Variants in ITGAM observed in about 807,000 individuals in gnomAD.
The protein encoded by ITGAM is integrin alpha-M.
ITGAM carries 79 observed loss-of-function variants against 137.5 expected under a neutral mutation model. The observed-to-expected ratio is 0.57, with a 90% CI of 0.48 to 0.69. The LOEUF (loss-of-function observed/expected upper bound fraction) is 0.69. Among genes scored for constraint, ITGAM ranks in the 30% least tolerant of loss-of-function variants. The pLI is 0.00. For synonymous variants in ITGAM, 583 were observed against 592.3 expected, an observed-to-expected ratio of 0.98 and a Z score of 0.23; for missense variants, 1,343 against 1,483.5, an observed-to-expected ratio of 0.91 and a Z score of 1.56.
At chr16:31,263,132 G>A (rs2079724188) in intron 2 of ITGAM, among the ~76,000 whole-genome samples, 1 of 151,984 alleles carries the variant, frequency 6.6e-6, no homozygotes, top group Admixed American at 6.6e-5. Context: ...GTAGAGACAG[G>A]GTTTCACCAT....
intron 14 of ITGAM, among the ~76,000 whole-genome samples, chr16:31,299,749 T>TCTC (rs1597011009): frequency 6.8e-6 from 1 of 147,868 alleles, no homozygotes; most frequent in African/African-American, 2.5e-5. Flanking sequence ...TTCTTTTTCT[T>TCTC]CTCCTCCTCC....
At chr16:31,321,435 T>C in intron 15 of ITGAM, 29 bp from the exon 16 acceptor site, 1 of 1,613,778 alleles carries the variant, frequency 6.2e-7, no homozygotes, top group South Asian at 1.1e-5. Flanking sequence ...TGTTTGAAGG[T>C]CCCTGATGGT....
chr16:31,277,249 T>C (rs1047403200), intron 11 of ITGAM, among the ~76,000 whole-genome samples, 200 bp downstream of exon 11: 8 of 152,004 alleles, frequency 5.3e-5, no homozygotes, highest in Admixed American at 5.3e-4. Flanking sequence ...CGGGCTGTAG[T>C]GCAATGGCAC....
rs1293905522 is a variant in ITGAM at position 31,331,290 on chromosome 16, T to TCC, written c.3387+19_3387+20dup. On this transcript the variant is annotated intron_variant, in intron 29 of 29. Coordinates refer to ENST00000544665, the MANE Select transcript of ITGAM (RefSeq NM_000632.4). ...CGCTGTACAAGGTGCTCCCCGCTGC[T>TCC]CCCCCACCCCCTCCCTTCATCCTCT... The TCC allele has an allele frequency of 2.9e-6, 4 of 1,379,690 alleles. No homozygotes were observed. Among genetic ancestry groups the TCC allele is most frequent in the Admixed American group, 3.4e-5 (2 of 59,046 alleles). The allele number at this position is 1,379,690 out of a possible 1,614,324, so 85.5% of individuals were successfully genotyped here. A position where few individuals can be genotyped will look rare whatever the true frequency, so the allele number is the denominator to read the frequency against.
chr16:31,278,153 C>G (rs1407138856), intron 12 of ITGAM, 44 bp downstream of exon 12: 1 of 1,564,464 alleles, frequency 6.4e-7, no homozygotes, highest in Admixed American at 1.9e-5. Flanking sequence ...CAGAGGCGCC[C>G]TGGGGTCTTA....
chr16:31,328,576 T>G (rs1163620818), intron 23 of ITGAM, among the ~76,000 whole-genome samples: 1 of 150,852 alleles, frequency 6.6e-6, no homozygotes, highest in African/African-American at 2.4e-5. Context: ...TGTGCATGGG[T>G]GTGTATTTGT....
intron 14 of ITGAM, among the ~76,000 whole-genome samples, chr16:31,312,048 C>A (rs1160992502): frequency 6.8e-6 from 1 of 147,328 alleles, no homozygotes; most frequent in Non-Finnish European, 1.5e-5. Context: ...AAAAACCAAA[C>A]ACTGCATGTT....
At chr16:31,263,285 T>C (rs2079725988) in intron 2 of ITGAM, among the ~76,000 whole-genome samples, 1 of 152,226 alleles carries the variant, frequency 6.6e-6, no homozygotes. Flanking sequence ...TTAATGAACA[T>C]TTAGATTGTT....
At chr16:31,331,437 C>A in intron 29 of ITGAM, 162 bp downstream of exon 29, 2 of 670,168 alleles carry the variant, frequency 3.0e-6, no homozygotes, top group East Asian at 2.7e-5. Flanking sequence ...CGGGTTCATG[C>A]GCGGGGCGCG....
chr16:31,273,258 T>A (rs761065580), intron 7 of ITGAM, 107 bp from the exon 8 acceptor site: 1 of 970,864 alleles, frequency 1.0e-6, no homozygotes, highest in Non-Finnish European at 1.5e-6. Context: ...ATTGTGTCTC[T>A]GCACTCCAGC....
chr16:31,274,058 C>T (rs934217722), intron 8 of ITGAM, among the ~76,000 whole-genome samples: 15 of 152,168 alleles, frequency 9.9e-5, no homozygotes, highest in Non-Finnish European at 1.9e-4. Context: ...GCAAGGTTAG[C>T]GATAACCAGG....
intron 14 of ITGAM, among the ~76,000 whole-genome samples, chr16:31,310,974 G>C (rs1208758127): frequency 2.6e-5 from 4 of 152,120 alleles, no homozygotes; most frequent in Non-Finnish European, 5.9e-5. Flanking sequence ...CTCAGAAATA[G>C]TGCCGCATAT....
At position 31,330,335 on chromosome 16, in the gene ITGAM, A is replaced by G. The variant is rs1228763307; in HGVS notation, c.3088A>G (p.Ile1030Val). ...VNCSIAVCQR[I>V]QCDIPFFGIQ... ...CTGCTCCATCGCTGTCTGCCAGAGAATCCAGTGTGACATCCCGTTCTTTGG... is the reference window on the plus strand; with the variant it reads ...CTGCTCCATCGCTGTCTGCCAGAGAGTCCAGTGTGACATCCCGTTCTTTGG... The change falls in exon 27 of 30, where the codon ATC becomes GTC. Residue 1030 changes from isoleucine to valine, a missense_variant. Ile to Val is a conservative substitution (Grantham distance 29). Transcript: ENST00000544665. 6.2e-7 allele frequency: 1 copy of G among 1,613,886 alleles called. No homozygotes were observed.
At chr16:31,306,206 G>C (rs1217288372) in intron 14 of ITGAM, among the ~76,000 whole-genome samples, 1 of 152,110 alleles carries the variant, frequency 6.6e-6, no homozygotes, top group African/African-American at 2.4e-5. Context: ...GAATGATTTA[G>C]CAGGCCATCC....
chr16:31,277,694 T>C (rs915135184), intron 11 of ITGAM, among the ~76,000 whole-genome samples: 5 of 152,034 alleles, frequency 3.3e-5, no homozygotes, highest in African/African-American at 9.7e-5. Flanking sequence ...GGTTTCACCA[T>C]GTTGGCCAGG....
chr16:31,299,765 TTCC>T (rs377637740), intron 14 of ITGAM, among the ~76,000 whole-genome samples: 64 of 121,718 alleles, frequency 5.3e-4, no homozygotes, highest in Non-Finnish European at 6.8e-4. Context: ...CCTCCTCCTC[TTCC>T]TCCTCCTCCT....
intron 14 of ITGAM, among the ~76,000 whole-genome samples, chr16:31,302,918 C>CTCTT (rs67320202): frequency 0.019 from 1,413 of 72,964 alleles, 92 homozygotes; most frequent in East Asian, 0.025. Context: ...CTTTCCCTCC[C>CTCTT]TCTTTCTTTC....
At chr16:31,279,190 A>G (rs535848046) in intron 12 of ITGAM, among the ~76,000 whole-genome samples, 228 of 152,334 alleles carry the variant, frequency 1.5e-3, no homozygotes, top group Non-Finnish European at 9.3e-4. Flanking sequence ...TAGTGCCACA[A>G]TAAACATATG....
In ITGAM at chr16:31,260,072, T is replaced by G. The variant is rs758554150; in HGVS notation, c.8T>G (p.Leu3Arg). MALRVLLLTALTL... is the reference protein window; with the variant it reads MARRVLLLTALTL... ...TTCTGGCTCCTTCCAGCCATGGCTC[T>G]CAGAGTCCTTCTGTTAACAGGTGCA... The change falls in exon 1 of 30, where the codon CTC becomes CGC. Residue 3 changes from leucine to arginine, a missense_variant. Leu to Arg is a moderately radical substitution (Grantham distance 102). Coordinates refer to ENST00000544665, the MANE Select transcript of ITGAM (RefSeq NM_000632.4). 9.4e-5 allele frequency: 124 copies of G among 1,325,782 alleles called. No individual in the cohort carries two copies. Among genetic ancestry groups the G allele is most frequent in the Non-Finnish European group, 1.1e-4 (108 of 998,808 alleles). 82.1% of individuals were successfully genotyped at this position (1,325,782 alleles called of 1,614,324 possible). A position where few individuals can be genotyped will look rare whatever the true frequency, so the allele number is the denominator to read the frequency against.
Sources: gnomAD v4.1 joint callset for allele counts (sites outside exome capture counted in the v4.1 genomes callset) on GRCh38, gnomAD v4.1.1 for gene constraint, MANE v1.5 for transcripts, NCBI Gene and HGNC (gene_info 2026-07-23, HGNC 2026-07-21) for gene names.